The following AGAP1 variants were observed in gnomAD, a reference collection of about 807,000 sequenced individuals.
AGAP1 encodes arf-GAP with GTPase, ANK repeat and PH domain-containing protein 1.
AGAP1 carries 29 observed loss-of-function variants against 105.3 expected under a neutral mutation model. The ratio of observed to expected loss-of-function variants is 0.28; its 90% CI spans 0.21 to 0.38. AGAP1 has a LOEUF of 0.38. Ranked by LOEUF, AGAP1 falls within the 10% of genes least tolerant of loss-of-function variation. The pLI, the probability that AGAP1 is intolerant of heterozygous loss-of-function variation, is 1.00. For missense variants in AGAP1, 998 were observed against 1,165.1 expected (o/e 0.86, Z 2.09); for synonymous variants, 509 against 485.9 (o/e 1.05, Z -0.63).
chr2:236,031,373 C>T (rs573963546), intron 13 of AGAP1, among the ~76,000 whole-genome samples: 3 of 152,278 alleles, frequency 2.0e-5, no homozygotes, highest in South Asian at 2.1e-4. Context: ...AGGCACGCCA[C>T]GGGCACCCCT....
In AGAP1 at chr2:235,754,918, C is replaced by T. The variant is rs1029314340; in HGVS notation, c.673+4430C>T. On this transcript the variant is annotated intron_variant, in intron 6 of 17. Transcript: ENST00000304032. The surrounding 1 kb of genome is among the most constrained non-coding windows in gnomAD (Gnocchi z 4.6). Reference sequence around the variant, plus strand: ...TGGAAAAGAAGTGTGGCAGCCCAGGCTGCTTTCTGGGGGTGGAGCGTTCTC... The same window carrying T: ...TGGAAAAGAAGTGTGGCAGCCCAGGTTGCTTTCTGGGGGTGGAGCGTTCTC... Among the ~76,000 whole-genome samples the T allele has an allele frequency of 7.2e-5, 11 of 152,270 alleles. No individual in the cohort carries two copies. Among genetic ancestry groups the T allele is most frequent in the African/African-American group, 2.7e-4 (11 of 41,480 alleles).
chr2:235,779,405 A>G (rs1038278313), intron 6 of AGAP1, among the ~76,000 whole-genome samples: 6 of 152,190 alleles, frequency 3.9e-5, no homozygotes, highest in African/African-American at 1.2e-4. Flanking sequence ...GGGGATGAAT[A>G]TTGGTTACAT....
chr2:235,638,307 G>A (rs571945433), intron 1 of AGAP1, among the ~76,000 whole-genome samples: 1 of 152,206 alleles, frequency 6.6e-6, no homozygotes, highest in East Asian at 1.9e-4. Flanking sequence ...AGGTGAGTGT[G>A]GCCCCCTCAC....
intron 10 of AGAP1, among the ~76,000 whole-genome samples, chr2:235,899,862 A>G (rs2050982510): frequency 6.6e-6 from 1 of 152,252 alleles, no homozygotes; most frequent in Non-Finnish European, 1.5e-5. Flanking sequence ...AATTTAACCT[A>G]GAATGAGAAA....
chr2:236,027,208 GA>G lies in AGAP1; in HGVS notation c.1646-9350del, dbSNP rs1038931647. ...CATATGGCAGATATAAATTAGATCT[GA>G]AACTCTACGTGTGGGTATTCACCTA... is the stretch of plus-strand genomic sequence containing the variant. On this transcript the variant is annotated intron_variant, in intron 13 of 17. Transcript: ENST00000304032. The surrounding 1 kb of genome is among the most constrained non-coding windows in gnomAD (Gnocchi z 4.4). Among the ~76,000 whole-genome samples, 48 of 152,190 alleles carry G rather than the reference GA, an allele frequency of 3.2e-4. No homozygotes were observed. The highest frequency in any genetic ancestry group is 6.8e-3 in the Middle Eastern group (2 of 294).
chr2:236,066,279 G>A (rs2058343359), intron 16 of AGAP1, among the ~76,000 whole-genome samples: 1 of 152,132 alleles, frequency 6.6e-6, no homozygotes, highest in Non-Finnish European at 1.5e-5. Context: ...CCTAGCTGGT[G>A]CAGTGGCACA....
chr2:235,863,619 G>A (rs572445565), intron 9 of AGAP1, among the ~76,000 whole-genome samples: 1 of 152,340 alleles, frequency 6.6e-6, no homozygotes, highest in African/African-American at 2.4e-5. Flanking sequence ...GGGAGGCAGT[G>A]TGAGGTGGGC....
intron 6 of AGAP1, among the ~76,000 whole-genome samples, chr2:235,767,262 TTCTCTCTTAA>T (rs923823814): frequency 7.1e-6 from 1 of 141,560 alleles, no homozygotes; most frequent in Non-Finnish European, 1.6e-5. Flanking sequence ...TAGCCCATCA[TTCTCTCTTAA>T]CAGAATGCAC....
chr2:236,117,585 T>A (rs1054382906), intron 16 of AGAP1, among the ~76,000 whole-genome samples: 1 of 152,230 alleles, frequency 6.6e-6, no homozygotes, highest in East Asian at 1.9e-4. Context: ...CTGGGTGATT[T>A]GGCAATGACT....
At chr2:235,565,244 T>C (rs1944311799) in intron 1 of AGAP1, among the ~76,000 whole-genome samples, 1 of 152,004 alleles carries the variant, frequency 6.6e-6, no homozygotes, top group Non-Finnish European at 1.5e-5. Flanking sequence ...CAGGGCCAGG[T>C]GTGAGCCAGG....
Position 235,799,578 on chromosome 2 carries a change from C to T in AGAP1, c.957+56C>T, listed in dbSNP as rs1038908122. On this transcript the variant is annotated intron_variant, in intron 8 of 17. Transcript: ENST00000304032. This position sits in a 1 kb window ranked among gnomAD's most constrained non-coding sequence, Gnocchi z 5.0. ...TGCGATTCCGAAGCGTTCCCATTAA[C>T]GTAAACCTGGTTGCCACATGGTTCA... 2.0e-5 allele frequency: 31 copies of T among 1,579,756 alleles called. No homozygotes were observed. In the African/African-American group the frequency reaches 2.7e-4, roughly 14 times the overall value.
At chr2:235,603,968 G>T (rs919489472) in intron 1 of AGAP1, among the ~76,000 whole-genome samples, 1 of 152,076 alleles carries the variant, frequency 6.6e-6, no homozygotes. Flanking sequence ...ATGACACACG[G>T]TGACTCTGGT....
chr2:235,836,416 A>G (rs570943162), intron 9 of AGAP1, among the ~76,000 whole-genome samples: 1 of 152,342 alleles, frequency 6.6e-6, no homozygotes, highest in South Asian at 2.1e-4. Flanking sequence ...GTGGTCCTGT[A>G]GGAAATGCAT....
chr2:235,519,581 G>T (rs1295626710), intron 1 of AGAP1, among the ~76,000 whole-genome samples: 1 of 152,046 alleles, frequency 6.6e-6, no homozygotes. Context: ...TATATGTGTT[G>T]TGTGTGCATA....
rs560640454 is a variant in AGAP1 at position 235,610,679 on chromosome 2, C to T, written c.164-98500C>T. Among the ~76,000 whole-genome samples, 16 of 152,294 alleles carry T rather than the reference C, an allele frequency of 1.1e-4. No homozygotes were observed. The highest frequency in any genetic ancestry group is 1.6e-4 in the Non-Finnish European group (11 of 68,028). ...AATACAGCCCATAGCACAGCGCTTC[C>T]GCACACATCCACATTGCAGACCCGC... is the stretch of plus-strand genomic sequence containing the variant. On this transcript the variant is annotated intron_variant, in intron 1 of 17. Transcript: ENST00000304032. The surrounding 1 kb of genome is among the most constrained non-coding windows in gnomAD (Gnocchi z 4.9).
In AGAP1 at chr2:236,062,007, G is replaced by A. The variant is rs1323077098; in HGVS notation, c.2114+12726G>A. On this transcript the variant is annotated intron_variant, in intron 16 of 17. Transcript: ENST00000304032. The surrounding 1 kb of genome is among the most constrained non-coding windows in gnomAD (Gnocchi z 4.2). ...GGTGGCGGGGGCCTGGGTGCGGGCC[G>A]AGGGCTGGCGTGGCTGCCCCTCCTC... Among the ~76,000 whole-genome samples the A allele has an allele frequency of 1.3e-5, 2 of 152,152 alleles. No homozygotes were observed. The highest frequency in any genetic ancestry group is 4.8e-5 in the African/African-American group (2 of 41,438).
Position 235,535,917 on chromosome 2 carries a change from TGCCCTCCTTG to T in AGAP1, c.163+41071_163+41080del, listed in dbSNP as rs567511571. 2.3e-4 allele frequency among the ~76,000 whole-genome samples: 35 copies of T among 152,112 alleles called. 1 individual carries two copies. The highest frequency in any genetic ancestry group is 7.5e-4 in the African/African-American group (31 of 41,490). On this transcript the variant is annotated intron_variant, in intron 1 of 17. Coordinates refer to ENST00000304032, the MANE Select transcript of AGAP1 (RefSeq NM_001037131.3). The surrounding 1 kb of genome is among the most constrained non-coding windows in gnomAD (Gnocchi z 5.1). ...CAGGCTCTGGCCACAGTGGCTTTCC[TGCCCTCCTTG>T]GCTGGTGGACGTAAGGCCCCTCGCC...
rs908032189 is a variant in AGAP1 at position 235,725,928 on chromosome 2, G to A, written c.310+8284G>A. ...CAAAAAAATAATAAAAGGGAAGCAT[G>A]TTCTGTTTCATTTTGAGCAAGAAAA... is the stretch of plus-strand genomic sequence containing the variant. On this transcript the variant is annotated intron_variant, in intron 3 of 17. Transcript: ENST00000304032. The surrounding 1 kb of genome is among the most constrained non-coding windows in gnomAD (Gnocchi z 5.7). Among the ~76,000 whole-genome samples, 1 of 152,112 alleles carries A rather than the reference G, an allele frequency of 6.6e-6. No homozygotes were observed. The highest frequency in any genetic ancestry group is 1.5e-5 in the Non-Finnish European group (1 of 68,014).
At position 235,941,884 on chromosome 2, in the gene AGAP1, C is replaced by T. The variant is rs149309679; in HGVS notation, c.1483+10961C>T. Among the ~76,000 whole-genome samples the T allele has an allele frequency of 2.9e-3, 434 of 152,142 alleles. 2 individuals carry two copies. Among genetic ancestry groups the T allele is most frequent in the Non-Finnish European group, 4.4e-3 (301 of 68,016 alleles). On this transcript the variant is annotated intron_variant, in intron 12 of 17. Coordinates refer to ENST00000304032, the MANE Select transcript of AGAP1 (RefSeq NM_001037131.3). ...AGAAGGGCGGACACTGAAGGCGAAGCACAGAGGAAGGAAGGAGCGTTCCAG... is the reference window on the plus strand; with the variant it reads ...AGAAGGGCGGACACTGAAGGCGAAGTACAGAGGAAGGAAGGAGCGTTCCAG...
Sources: allele counts gnomAD v4.1 joint callset (sites outside exome capture counted in the v4.1 genomes callset), GRCh38; gene constraint gnomAD v4.1.1; non-coding constraint Gnocchi (gnomAD v3.1); transcripts MANE v1.5; gene names NCBI Gene and HGNC (gene_info 2026-07-23, HGNC 2026-07-21).